COLEC12: variants seen among roughly 807,000 people sequenced by gnomAD.
The protein encoded by COLEC12 is collectin subfamily member 12.
Under a neutral mutation model 71.1 loss-of-function variants are expected in COLEC12, and 33 were observed. The observed-to-expected ratio is 0.46, with a 90% CI of 0.35 to 0.62. The LOEUF (loss-of-function observed/expected upper bound fraction) is 0.62. Ranked by LOEUF, COLEC12 falls within the 20% of genes least tolerant of loss-of-function variation. The pLI, the probability that COLEC12 is intolerant of heterozygous loss-of-function variation, is 0.00. For synonymous variants in COLEC12, 350 were observed against 353.0 expected (o/e 0.99, Z 0.10); for missense variants, 765 against 916.1 (o/e 0.84, Z 2.13).
At chr18:393,904 A>C (rs901704823) in intron 2 of COLEC12, among the ~76,000 whole-genome samples, 10 of 152,240 alleles carry the variant, frequency 6.6e-5, no homozygotes, top group African/African-American at 2.2e-4. Context: ...TCCAGCACCA[A>C]CATGAAGGAA....
chr18:464,010 TC>T (rs1485927654), intron 2 of COLEC12, among the ~76,000 whole-genome samples: 1 of 152,136 alleles, frequency 6.6e-6, no homozygotes, highest in Non-Finnish European at 1.5e-5. Flanking sequence ...TTTGACTGGT[TC>T]CCTTTCTTGG....
intron 2 of COLEC12, among the ~76,000 whole-genome samples, chr18:434,928 G>C (rs1045468101): frequency 6.6e-6 from 1 of 152,004 alleles, no homozygotes; most frequent in Non-Finnish European, 1.5e-5. Context: ...ATTCCCAGAA[G>C]TGCCCCACCT....
chr18:422,954 T>C (rs11664860), intron 2 of COLEC12, among the ~76,000 whole-genome samples: 103,599 of 152,010 alleles, frequency 0.68, 36,210 homozygotes, highest in East Asian at 1. Context: ...TGTAAATACG[T>C]TTCCCACTCA....
At chr18:338,960 ATAATC>A (rs529925006) in intron 5 of COLEC12, among the ~76,000 whole-genome samples, 341 of 147,236 alleles carry the variant, frequency 2.3e-3, no homozygotes, top group Non-Finnish European at 3.9e-3. Context: ...GTTTTAAGAA[ATAATC>A]TTTAGCCTTA....
rs1914771974 is a variant in COLEC12, at chr18:362,659, A to G, written c.59-5137T>C. 6.6e-6 allele frequency among the ~76,000 whole-genome samples: 1 copy of G among 152,148 alleles called. No homozygotes were observed. The highest frequency in any genetic ancestry group is 1.5e-5 in the Non-Finnish European group (1 of 68,022). ...GCAGAGGAGAGATTTCAGTTCAGGA[A>G]GTGAAGCAGTGCTGCCCCTCACCAT... On this transcript the variant is annotated intron_variant, in intron 2 of 9. Coordinates refer to ENST00000400256, the MANE Select transcript of COLEC12 (RefSeq NM_130386.3). This position sits in a 1 kb window ranked among gnomAD's most constrained non-coding sequence, Gnocchi z 4.6.
chr18:390,998 C>T (rs908677276), intron 2 of COLEC12, among the ~76,000 whole-genome samples: 1 of 152,102 alleles, frequency 6.6e-6, no homozygotes, highest in Non-Finnish European at 1.5e-5. Context: ...AGCTGTGTGC[C>T]CATGGGGAAC....
intron 2 of COLEC12, among the ~76,000 whole-genome samples, chr18:438,036 A>G (rs1916441357): frequency 6.6e-6 from 1 of 152,254 alleles, no homozygotes; most frequent in Admixed American, 6.5e-5. Flanking sequence ...ACTCCTGAAT[A>G]TATTTTGAGT....
chr18:334,674 G>A (rs1235809020), intron 6 of COLEC12, 68 bp downstream of exon 6: 1 of 1,335,176 alleles, frequency 7.5e-7, no homozygotes, highest in African/African-American at 1.5e-5. Context: ...CCACACACTG[G>A]GGGTTGGCTC....
chr18:359,153 G>C (rs1160277682), intron 2 of COLEC12, among the ~76,000 whole-genome samples: 1 of 152,182 alleles, frequency 6.6e-6, no homozygotes, highest in African/African-American at 2.4e-5. Flanking sequence ...GCTGAAGTTG[G>C]TTCCTACTGG....
At position 500,376 on chromosome 18, in the gene COLEC12, GC is replaced by G; in HGVS notation, c.7+131del. 1 of 536,118 alleles carries G rather than the reference GC, an allele frequency of 1.9e-6. No homozygotes were observed. Among genetic ancestry groups the G allele is most frequent in the South Asian group, 8.9e-5 (1 of 11,268 alleles). The allele number at this position is 536,118 out of a possible 1,614,324, so 33.2% of individuals were successfully genotyped here. On this transcript the variant is annotated intron_variant, in intron 1 of 9. Coordinates refer to ENST00000400256, the MANE Select transcript of COLEC12 (RefSeq NM_130386.3). This position sits in a 1 kb window ranked among gnomAD's most constrained non-coding sequence, Gnocchi z 5.3. The stretch of plus-strand genomic sequence containing the variant: ...CCCAGTGTCCGCGCACGAACCCGGC[GC>G]CCTGGCAGCCCCGACTCCCCGGGCC...
chr18:386,776 T>C (rs535435875), intron 2 of COLEC12, among the ~76,000 whole-genome samples: 3 of 152,214 alleles, frequency 2.0e-5, no homozygotes, highest in Non-Finnish European at 4.4e-5. Context: ...AAGTTGCTTA[T>C]ACTTCCTCAA....
At chr18:455,437 C>A (rs1287000900) in intron 2 of COLEC12, among the ~76,000 whole-genome samples, 1 of 152,032 alleles carries the variant, frequency 6.6e-6, no homozygotes, top group Non-Finnish European at 1.5e-5. Context: ...GCCACCATGC[C>A]TGGCTAATTT....
At position 350,032 on chromosome 18, in the gene COLEC12, C is replaced by T. The variant is rs536941972; in HGVS notation, c.182-1869G>A. Among the ~76,000 whole-genome samples the T allele has an allele frequency of 2.0e-5, 3 of 152,228 alleles. No homozygotes were observed. The East Asian group carries it at 5.8e-4, about 29-fold the overall frequency. On this transcript the variant is annotated intron_variant, in intron 3 of 9. Coordinates refer to ENST00000400256, the MANE Select transcript of COLEC12 (RefSeq NM_130386.3). ...TGAAATGAGTTAAAACTTTGTGGGACTGTTGGGAAGGCATGATTTGTTTTG... is the reference window on the plus strand; with the variant it reads ...TGAAATGAGTTAAAACTTTGTGGGATTGTTGGGAAGGCATGATTTGTTTTG...
At chr18:384,891 C>T (rs976223193) in intron 2 of COLEC12, among the ~76,000 whole-genome samples, 15 of 152,272 alleles carry the variant, frequency 9.9e-5, no homozygotes, top group African/African-American at 3.6e-4. Flanking sequence ...AGGAATAAGC[C>T]TAAGAAGACT....
chr18:477,905 T>C (rs1192211973), intron 2 of COLEC12, among the ~76,000 whole-genome samples: 2 of 152,194 alleles, frequency 1.3e-5, no homozygotes, highest in Non-Finnish European at 2.9e-5. Flanking sequence ...ACTATCAACC[T>C]GCTGCATGGA....
chr18:497,383 GGTGTGTGTGTGTGTGTGTGT>G (rs10689788), intron 1 of COLEC12, among the ~76,000 whole-genome samples: 1 of 147,050 alleles, frequency 6.8e-6, no homozygotes. Flanking sequence ...TAAAGAATGG[GGTGTGTGTGTGTGTGTGTGT>G]GTGTGTGTGT....
chr18:453,346 G>T (rs1916799737), intron 2 of COLEC12, among the ~76,000 whole-genome samples: 1 of 152,148 alleles, frequency 6.6e-6, no homozygotes, highest in Non-Finnish European at 1.5e-5. Context: ...AGAGAGAAGA[G>T]AAACTGGAAA....
chr18:346,164 C>G lies in COLEC12; in HGVS notation c.1327+131G>C. 1 of 683,388 alleles carries G rather than the reference C, an allele frequency of 1.5e-6. No homozygotes were observed. Among genetic ancestry groups the G allele is most frequent in the Non-Finnish European group, 2.4e-6 (1 of 410,152 alleles). The allele number at this position is 683,388 out of a possible 1,614,324, so 42.3% of individuals were successfully genotyped here. A position where few individuals can be genotyped will look rare whatever the true frequency, so the allele number is the denominator to read the frequency against. ...GAGTCAGGACCATCTAGCTAAGCTG[C>G]TCTTGAATTCCTGGTCCACAAAAAC... On this transcript the variant is annotated intron_variant, in intron 5 of 9. Coordinates refer to ENST00000400256, the MANE Select transcript of COLEC12 (RefSeq NM_130386.3). This position sits in a 1 kb window ranked among gnomAD's most constrained non-coding sequence, Gnocchi z 4.0.
intron 1 of COLEC12, among the ~76,000 whole-genome samples, chr18:498,192 G>T (rs535405603): frequency 1.8e-4 from 27 of 152,036 alleles, no homozygotes; most frequent in Admixed American, 1.6e-3. Flanking sequence ...GCTGTTGAGA[G>T]GATTAATTGC....
Sources: allele counts gnomAD v4.1 joint callset (sites outside exome capture counted in the v4.1 genomes callset), GRCh38; gene constraint gnomAD v4.1.1; non-coding constraint Gnocchi (gnomAD v3.1); transcripts MANE v1.5; gene names NCBI Gene and HGNC (gene_info 2026-07-23, HGNC 2026-07-21).